COL4A4: variants seen among roughly 807,000 people sequenced by gnomAD.
COL4A4 encodes the protein collagen type IV alpha 4 chain.
COL4A4 carries 105 observed loss-of-function variants against 192.9 expected under a neutral mutation model. The observed-to-expected ratio is 0.54, with a 90% confidence interval of 0.46 to 0.64. The LOEUF (loss-of-function observed/expected upper bound fraction) is 0.64. COL4A4 is among the 30% of genes least tolerant of loss of function. The pLI, the probability that COL4A4 is intolerant of heterozygous loss-of-function variation, is 0.00. For synonymous variants in COL4A4, 762 were observed against 769.9 expected, an observed-to-expected ratio of 0.99 and a Z score of 0.17; for missense variants, 1,967 against 2,169.3, an observed-to-expected ratio of 0.91 and a Z score of 1.85.
chr2:227,000,195 C>T (rs1322371049), downstream of COL4A4, among the ~76,000 whole-genome samples: 2 of 152,232 alleles, frequency 1.3e-5, no homozygotes, highest in African/African-American at 4.8e-5. Context: ...AGGCCAACCT[C>T]TCTGCTCTTC....
intron 3 of COL4A4, 52 bp from the exon 4 acceptor site, chr2:227,140,290 G>A (rs771895638): frequency 1.0e-5 from 15 of 1,435,468 alleles, no homozygotes; most frequent in Admixed American, 8.4e-5. Flanking sequence ...GTTTAACTAC[G>A]TGCATAACAC....
At chr2:227,135,673 A>C (rs1357661778) in intron 4 of COL4A4, among the ~76,000 whole-genome samples, 2 of 149,460 alleles carry the variant, frequency 1.3e-5, no homozygotes, top group African/African-American at 4.9e-5. Context: ...ACAGAGTTTT[A>C]CTCTTGTCAC....
intron 1 of COL4A4, among the ~76,000 whole-genome samples, chr2:227,154,119 G>A (rs79202777): frequency 0.042 from 6,348 of 152,198 alleles, 201 homozygotes; most frequent in Admixed American, 0.084. Flanking sequence ...CTTTCCCAGC[G>A]GCAGTAATTT....
chr2:227,118,069 T>C (rs979824745), intron 7 of COL4A4, among the ~76,000 whole-genome samples: 1 of 152,154 alleles, frequency 6.6e-6, no homozygotes, highest in African/African-American at 2.4e-5. Flanking sequence ...TGTTTGCTAG[T>C]GTCTAGACGT....
At chr2:227,056,575 A>T (rs991309274) in intron 29 of COL4A4, among the ~76,000 whole-genome samples, 7 of 152,230 alleles carry the variant, frequency 4.6e-5, no homozygotes, top group Non-Finnish European at 8.8e-5. Flanking sequence ...ATATTACTGC[A>T]TTTGGATAAA....
At chr2:226,977,191 C>T in the COL4A4 span, among the ~76,000 whole-genome samples, 1 of 152,188 alleles carries the variant, frequency 6.6e-6, no homozygotes, top group South Asian at 2.1e-4. Flanking sequence ...TTGGATGTCT[C>T]GCGTCTCTGG....
intron 1 of COL4A4, among the ~76,000 whole-genome samples, chr2:227,149,127 G>A (rs2063750055): frequency 6.6e-6 from 1 of 152,124 alleles, no homozygotes; most frequent in African/African-American, 2.4e-5. Context: ...GAGATTACAG[G>A]CGTGAGCCAC....
In COL4A4 at chr2:227,094,263, C is replaced by T. The variant is rs758729139; in HGVS notation, c.1231G>A (p.Gly411Arg). 1 of 1,613,864 alleles carries T rather than the reference C, an allele frequency of 6.2e-7. No individual in the cohort carries two copies. The change falls in exon 20 of 48, where the codon GGA (glycine) becomes AGA (arginine). Residue 411 changes from glycine to arginine, a missense_variant. Physicochemically the swap from Gly to Arg is moderately radical, Grantham distance 125. Coordinates refer to ENST00000396625, the MANE Select transcript of COL4A4 (RefSeq NM_000092.5). ...AGMIGPPGPQ[G>R]FPGLPGLPGE... is the part of the protein sequence containing the mutation. ...GGAAGCCCAGGAAGACCAGGAAATC[C>T]TTGTGGCCCAGGGGGTCCTATCATG...
intron 4 of COL4A4, among the ~76,000 whole-genome samples, chr2:227,124,590 T>C (rs1307404435): frequency 6.6e-6 from 1 of 152,196 alleles, no homozygotes; most frequent in Non-Finnish European, 1.5e-5. Context: ...AAAGGAAACT[T>C]AAATACATAA....
chr2:227,033,558 G>C, intron 37 of COL4A4, 77 bp from the exon 38 acceptor site: 1 of 1,296,620 alleles, frequency 7.7e-7, no homozygotes, highest in Non-Finnish European at 1.1e-6. Flanking sequence ...CGCAGGCACT[G>C]CCCAGCAGAG....
chr2:227,035,664 CA>C, intron 37 of COL4A4, among the ~76,000 whole-genome samples: 1 of 152,048 alleles, frequency 6.6e-6, no homozygotes, highest in Admixed American at 6.6e-5. Flanking sequence ...AAGTTTGCAC[CA>C]AAAGAACACA....
intron 21 of COL4A4, among the ~76,000 whole-genome samples, chr2:227,089,612 T>TATATATATATATATATATAC (rs1383778504): frequency 2.8e-5 from 4 of 141,874 alleles, no homozygotes; most frequent in Admixed American, 7.1e-5. Flanking sequence ...TATATATACA[T>TATATATATATATATATATAC]ACATATATAT....
Position 227,077,913 on chromosome 2 carries a change from A to T in COL4A4, c.1968T>A (p.Asp656Glu), listed in dbSNP as rs1559562624. 2 of 1,613,408 alleles carry T rather than the reference A, an allele frequency of 1.2e-6. No individual in the cohort carries two copies. Among genetic ancestry groups the T allele is most frequent in the African/African-American group, 1.3e-5 (1 of 75,024 alleles). The change falls in exon 25 of 48, where the codon GAT (aspartate) becomes GAA (glutamate). Residue 656 changes from aspartate (D) to glutamate (E), a missense_variant. Transcript: ENST00000396625. ...VPGHPGVRGP[D>E]GLKGQKGDTI... ...AATTACCTTTCTGACCCTTCAAGCC[A>T]TCAGGGCCCCTCACACCTGGGTGGC...
At chr2:227,158,263 G>T (rs1423422828) in intron 1 of COL4A4, among the ~76,000 whole-genome samples, 1 of 152,024 alleles carries the variant, frequency 6.6e-6, no homozygotes, top group Non-Finnish European at 1.5e-5. Flanking sequence ...TCAACAACTG[G>T]TGCCACAACA....
chr2:227,128,748 T>A (rs1015781558), intron 4 of COL4A4, among the ~76,000 whole-genome samples: 2 of 152,090 alleles, frequency 1.3e-5, no homozygotes, highest in African/African-American at 2.4e-5. Flanking sequence ...TCTTGTCAAC[T>A]CTCGCACGGG....
intron 12 of COL4A4, among the ~76,000 whole-genome samples, chr2:227,107,047 G>T (rs2060888067): frequency 6.6e-6 from 1 of 152,202 alleles, no homozygotes; most frequent in Admixed American, 6.5e-5. Flanking sequence ...ATGCTTGCTG[G>T]ATTCTGCAAT....
Position 227,114,611 on chromosome 2 carries a change from A to T in COL4A4, c.558+17T>A. ...GGAAGAAAAAATTTTTTAACCCATCATGATCATAATACTTACCTGAATACC... is the reference window on the plus strand; with the variant it reads ...GGAAGAAAAAATTTTTTAACCCATCTTGATCATAATACTTACCTGAATACC... On this transcript the variant is annotated intron_variant, in intron 8 of 47. Transcript: ENST00000396625. The T allele has an allele frequency of 6.8e-6, 11 of 1,610,308 alleles. No individual in the cohort carries two copies. The highest frequency in any genetic ancestry group is 8.5e-6 in the Non-Finnish European group (10 of 1,176,480).
chr2:227,013,631 T>C (rs1281561606), intron 44 of COL4A4, among the ~76,000 whole-genome samples: 3 of 152,206 alleles, frequency 2.0e-5, no homozygotes, highest in Non-Finnish European at 2.9e-5. Context: ...GGCTCCTTGA[T>C]CTTGGACTTC....
chr2:227,006,386 CA>C lies in COL4A4; in HGVS notation c.*938del, dbSNP rs1329675436. The C allele has an allele frequency of 1.3e-5, 2 of 152,634 alleles. No homozygotes were observed. The highest frequency in any genetic ancestry group is 4.8e-5 in the African/African-American group (2 of 41,426). 9.5% of individuals were successfully genotyped at this position (152,634 alleles called of 1,614,324 possible). A position where few individuals can be genotyped will look rare whatever the true frequency, so the allele number is the denominator to read the frequency against. On this transcript the variant is annotated 3_prime_UTR_variant, in exon 48 of 48. Transcript: ENST00000396625. Reference sequence around the variant, plus strand: ...AGCGCGTGCCTGCCTGAGTGAGCCCCATGTAGCGTCAGTCCCATTAGCACGC... The same window carrying C: ...AGCGCGTGCCTGCCTGAGTGAGCCCCTGTAGCGTCAGTCCCATTAGCACGC...
Sources: gnomAD v4.1 joint callset for allele counts (sites outside exome capture counted in the v4.1 genomes callset) on GRCh38, gnomAD v4.1.1 for gene constraint, MANE v1.5 for transcripts, NCBI Gene and HGNC (gene_info 2026-07-23, HGNC 2026-07-21) for gene names.